The following MTMR12 variants were observed in gnomAD, a reference collection of about 807,000 sequenced individuals.
MTMR12 encodes the protein myotubularin-related protein 12.
MTMR12 carries 33 observed loss-of-function variants against 96.7 expected under a neutral mutation model. The ratio of observed to expected loss-of-function variants is 0.34; its 90% CI spans 0.26 to 0.46. The LOEUF (loss-of-function observed/expected upper bound fraction) is 0.46, where lower values mean the gene tolerates loss of function less well. Among genes scored for constraint, MTMR12 ranks in the 20% least tolerant of loss-of-function variants. The pLI, the probability that MTMR12 is intolerant of heterozygous loss-of-function variation, is 1.00. For missense variants in MTMR12, 721 were observed against 896.1 expected (o/e 0.80, Z 2.49); for synonymous variants, 298 against 327.2 (o/e 0.91, Z 0.96).
At chr5:32,273,849 C>T in intron 3 of MTMR12, 131 bp downstream of exon 3, 2 of 1,315,686 alleles carry the variant, frequency 1.5e-6, no homozygotes, top group South Asian at 2.8e-5. Flanking sequence ...GCAGTTCATA[C>T]ATTCAGGATT....
intron 8 of MTMR12, among the ~76,000 whole-genome samples, chr5:32,250,358 C>T (rs966951665): frequency 6.6e-6 from 1 of 152,184 alleles, no homozygotes; most frequent in Non-Finnish European, 1.5e-5. Flanking sequence ...CACAGAACTG[C>T]TTTAGGAACT....
intron 7 of MTMR12, among the ~76,000 whole-genome samples, chr5:32,261,060 C>T (rs921773610): frequency 2.0e-5 from 3 of 151,358 alleles, no homozygotes; most frequent in South Asian, 4.2e-4. Flanking sequence ...TTGTGAAACC[C>T]CATCTCTACT....
chr5:32,306,685 G>A (rs1751379805), intron 1 of MTMR12, among the ~76,000 whole-genome samples: 1 of 152,176 alleles, frequency 6.6e-6, no homozygotes, highest in Admixed American at 6.6e-5. Flanking sequence ...GCTAGTAGGA[G>A]AGAGTTTTTA....
chr5:32,305,872 C>T (rs1260979167), intron 1 of MTMR12, among the ~76,000 whole-genome samples: 3 of 150,076 alleles, frequency 2.0e-5, no homozygotes, highest in African/African-American at 7.4e-5. Flanking sequence ...CATTGCACTC[C>T]AGCCTGGGCA....
intron 7 of MTMR12, among the ~76,000 whole-genome samples, chr5:32,256,754 T>C (rs1749154065): frequency 6.6e-6 from 1 of 152,224 alleles, no homozygotes; most frequent in South Asian, 2.1e-4. Flanking sequence ...ATGCTGCATG[T>C]GTGATGTAGA....
In MTMR12 at chr5:32,242,665, T is replaced by A. The variant is rs1748529676; in HGVS notation, c.1101-538A>T. On this transcript the variant is annotated intron_variant, in intron 11 of 15. Transcript: ENST00000382142. ...GTCTTCTGCTTGCAGACGTGTCCTC[T>A]CCTACCCCCCAGCCACCTTCCCTTC... Among the ~76,000 whole-genome samples the A allele has an allele frequency of 2.0e-5, 3 of 151,804 alleles. 1 individual carries two copies. The South Asian group carries it at 6.3e-4, about 32-fold the overall frequency.
In MTMR12 at chr5:32,230,096, G is replaced by C; in HGVS notation, c.1926C>G (p.Arg642=). 6.2e-7 allele frequency: 1 copy of C among 1,612,962 alleles called. No homozygotes were observed. The highest frequency in any genetic ancestry group is 8.5e-7 in the Non-Finnish European group (1 of 1,179,120). ...GGGCTTCTGGAATCCAACGTAGGTAGCGCTGGGCCCAGACTTTGATTTCGG... is the reference window on the plus strand; with the variant it reads ...GGGCTTCTGGAATCCAACGTAGGTACCGCTGGGCCCAGACTTTGATTTCGG... ...EGPEIKVWAQ[R]YLRWIPEAQI... The change falls in exon 16 of 16, where the codon CGC becomes CGG. Residue 642 remains arginine, a synonymous_variant. Transcript: ENST00000382142.
At chr5:32,270,156 T>G (rs1335415480) in intron 5 of MTMR12, among the ~76,000 whole-genome samples, 1 of 152,068 alleles carries the variant, frequency 6.6e-6, no homozygotes, top group Non-Finnish European at 1.5e-5. Context: ...AAGAGAAATC[T>G]TGGATACCAC....
chr5:32,310,000 T>C (rs1344608557), intron 1 of MTMR12, among the ~76,000 whole-genome samples: 2 of 152,132 alleles, frequency 1.3e-5, no homozygotes, highest in Non-Finnish European at 2.9e-5. Context: ...GCAAGCCCAC[T>C]GCTAGGTATA....
chr5:32,276,651 A>T (rs1412176256), intron 2 of MTMR12, 31 bp downstream of exon 2: 2 of 1,587,918 alleles, frequency 1.3e-6, no homozygotes, highest in Non-Finnish European at 1.7e-6. Context: ...TTTGCCTTGC[A>T]TAGGAGTTAC....
chr5:32,227,059 A>G lies in MTMR12; in HGVS notation c.*2719T>C, dbSNP rs1747766868. 6.5e-6 allele frequency: 1 copy of G among 152,698 alleles called. No individual in the cohort carries two copies. Among genetic ancestry groups the G allele is most frequent in the Non-Finnish European group, 1.5e-5 (1 of 68,042 alleles). The allele number at this position is 152,698 out of a possible 1,614,324, so 9.5% of individuals were successfully genotyped here. A position where few individuals can be genotyped will look rare whatever the true frequency, so the allele number is the denominator to read the frequency against. ...GCAATCAGATATGATGCAGTGAGAT[A>G]CAAGTATAAACTTTCATTGTGCATC... is the stretch of plus-strand genomic sequence containing the variant. On this transcript the variant is annotated 3_prime_UTR_variant, in exon 16 of 16. Coordinates refer to ENST00000382142, the MANE Select transcript of MTMR12 (RefSeq NM_001040446.3).
chr5:32,262,860 A>G (rs1335435747), intron 7 of MTMR12, among the ~76,000 whole-genome samples: 1 of 152,236 alleles, frequency 6.6e-6, no homozygotes, highest in African/African-American at 2.4e-5. Context: ...TTCCATTTAT[A>G]TGAAATGTTC....
In MTMR12 at chr5:32,303,251, T is replaced by C. The variant is rs1751218590; in HGVS notation, c.81+9507A>G. Reference sequence around the variant, plus strand: ...CATATCATTATTCCCATTTTCGAGGTAGAAATATAACTGAAGCTTAAAGGA... The same window carrying C: ...CATATCATTATTCCCATTTTCGAGGCAGAAATATAACTGAAGCTTAAAGGA... On this transcript the variant is annotated intron_variant, in intron 1 of 15. Transcript: ENST00000382142. Among the ~76,000 whole-genome samples, 3 of 152,184 alleles carry C rather than the reference T, an allele frequency of 2.0e-5. No homozygotes were observed. The South Asian group carries it at 6.2e-4, about 32-fold the overall frequency.
At chr5:32,308,899 G>A (rs1167555876) in intron 1 of MTMR12, among the ~76,000 whole-genome samples, 5 of 152,098 alleles carry the variant, frequency 3.3e-5, no homozygotes, top group East Asian at 1.9e-4. Flanking sequence ...CACCACGCCC[G>A]GCCTTACCCT....
At chr5:32,250,875 G>A (rs1288474151) in intron 8 of MTMR12, among the ~76,000 whole-genome samples, 1 of 152,154 alleles carries the variant, frequency 6.6e-6, no homozygotes, top group African/African-American at 2.4e-5. Context: ...CCTGGTCAAA[G>A]AGGCTTCTCA....
intron 6 of MTMR12, among the ~76,000 whole-genome samples, chr5:32,263,855 C>T (rs977371369): frequency 3.3e-5 from 5 of 152,338 alleles, no homozygotes; most frequent in Admixed American, 2.0e-4. Flanking sequence ...TCATGTGAAG[C>T]ACTAAAAGAC....
In MTMR12 at chr5:32,229,916, G is replaced by C. The variant is rs1352964290; in HGVS notation, c.2106C>G (p.Leu702=). The C allele has an allele frequency of 6.2e-7, 1 of 1,612,982 alleles. No individual in the cohort carries two copies. Among genetic ancestry groups the C allele is most frequent in the Non-Finnish European group, 8.5e-7 (1 of 1,179,266 alleles). The change falls in exon 16 of 16, where the codon CTC becomes CTG. Residue 702 remains leucine, a synonymous_variant. Transcript: ENST00000382142. ...GCAGAGCGAAAGGAAACAAAGACGA[G>C]AGGCGGGCAGAGTTCCTCAGCAGGC... The part of the protein sequence containing the change: ...APCLLRNSAR[L]SSLFPFALLQ...
At chr5:32,243,876 T>C (rs1243191762) in intron 10 of MTMR12, among the ~76,000 whole-genome samples, 2 of 152,214 alleles carry the variant, frequency 1.3e-5, no homozygotes, top group Non-Finnish European at 2.9e-5. Flanking sequence ...CCATGGTTCA[T>C]CCTGTAGGTC....
At chr5:32,259,905 G>A (rs867241201) in intron 7 of MTMR12, among the ~76,000 whole-genome samples, 15 of 151,984 alleles carry the variant, frequency 9.9e-5, no homozygotes, top group South Asian at 4.2e-4. Context: ...GCGTGGTGGC[G>A]CATGCCTGTA....
Sources: allele counts gnomAD v4.1 joint callset (sites outside exome capture counted in the v4.1 genomes callset), GRCh38; gene constraint gnomAD v4.1.1; transcripts MANE v1.5; gene names NCBI Gene and HGNC (gene_info 2026-07-23, HGNC 2026-07-21).